The following FUBP3 variants were observed in gnomAD, a reference collection of about 807,000 sequenced individuals.
FUBP3 encodes far upstream element-binding protein 3.
FUBP3 carries 28 observed loss-of-function variants against 85.6 expected under a neutral mutation model. The observed-to-expected ratio is 0.33, with a 90% CI of 0.24 to 0.45. The LOEUF (loss-of-function observed/expected upper bound fraction) is 0.45, where lower values mean the gene tolerates loss of function less well. Ranked by LOEUF, FUBP3 falls within the 20% of genes least tolerant of loss-of-function variation. The pLI is 1.00. For synonymous variants in FUBP3, 271 were observed against 271.4 expected (o/e 1.00, Z 0.01); for missense variants, 583 against 755.1 (o/e 0.77, Z 2.67).
Position 130,579,706 on chromosome 9 carries a change from G to C in FUBP3, c.26G>C (p.Ser9Thr). The C allele has an allele frequency of 7.9e-7, 1 of 1,269,980 alleles. No individual in the cohort carries two copies. Among genetic ancestry groups the C allele is most frequent in the Non-Finnish European group, 1.0e-6 (1 of 1,005,024 alleles). 78.7% of individuals were successfully genotyped at this position (1,269,980 alleles called of 1,614,324 possible). MAELVQGQ[S>T]APVGMKAEGF... ...ATGGCGGAGCTGGTGCAGGGGCAGA[G>C]CGCTCCTGTGGGGATGAAGGCCGAG... The change falls in exon 1 of 19, where the codon AGC becomes ACC. Residue 9 changes from serine to threonine, a missense_variant. By Grantham distance (58) the Ser-to-Thr change is moderately conservative. Transcript: ENST00000319725.
At chr9:130,634,499 C>T in intron 16 of FUBP3, 168 bp from the exon 17 acceptor site, 1 of 601,800 alleles carries the variant, frequency 1.7e-6, no homozygotes, top group Non-Finnish European at 3.0e-6. Context: ...TAGTTACACC[C>T]CTTCCCCCAG....
At chr9:130,621,108 G>GT (rs1462859718) in intron 9 of FUBP3, among the ~76,000 whole-genome samples, 40 of 152,210 alleles carry the variant, frequency 2.6e-4, no homozygotes, top group African/African-American at 9.6e-4. Flanking sequence ...ATTGAATTGT[G>GT]TACTTACAAG....
At chr9:130,626,664 G>A (rs1300461523) in intron 12 of FUBP3, among the ~76,000 whole-genome samples, 159 bp downstream of exon 12, 2 of 152,176 alleles carry the variant, frequency 1.3e-5, no homozygotes, top group Admixed American at 1.3e-4. Context: ...AACCCTGCTT[G>A]GCATGGTTCT....
chr9:130,624,121 C>A (rs1302069082), intron 11 of FUBP3, among the ~76,000 whole-genome samples: 1 of 152,254 alleles, frequency 6.6e-6, no homozygotes, highest in African/African-American at 2.4e-5. Flanking sequence ...TCATGCACAT[C>A]TTTGGACTGT....
intron 2 of FUBP3, among the ~76,000 whole-genome samples, chr9:130,597,656 A>G (rs1588125994): frequency 6.6e-6 from 1 of 152,216 alleles, no homozygotes; most frequent in Non-Finnish European, 1.5e-5. Context: ...GACAACTGAC[A>G]AAAAGGGGCT....
intron 11 of FUBP3, among the ~76,000 whole-genome samples, chr9:130,625,131 C>T (rs1347841041): frequency 1.3e-5 from 2 of 152,240 alleles, no homozygotes; most frequent in East Asian, 1.9e-4. Flanking sequence ...ATTGCTTAAA[C>T]CCAGGAAGCG....
At chr9:130,622,841 TTA>T in intron 10 of FUBP3, 31 bp downstream of exon 10, 1 of 1,062,760 alleles carries the variant, frequency 9.4e-7, no homozygotes, top group Non-Finnish European at 1.4e-6. Flanking sequence ...ATCCTTAGTG[TTA>T]AAAAAAAAAA....
chr9:130,636,027 C>A lies in FUBP3; in HGVS notation c.1611C>A (p.Ala537=), dbSNP rs371039744. The change falls in exon 18 of 19, where the codon GCC becomes GCA. Residue 537 remains alanine, a synonymous_variant. Transcript: ENST00000319725. ...QSHAASAAPQ[A]SSPPDYTMAW... ...ACGCCGCCAGCGCTGCTCCTCAGGC[C>A]AGCTCCCCACCGGACTACACAATGG... 1.3e-6 allele frequency: 2 copies of A among 1,595,924 alleles called. No homozygotes were observed. The highest frequency in any genetic ancestry group is 2.9e-5 in the African/African-American group (2 of 69,096).
chr9:130,636,084 T>C lies in FUBP3; in HGVS notation c.1668T>C (p.Ala556=), dbSNP rs754760630. The change falls in exon 18 of 19, where the codon GCT becomes GCC. Residue 556 remains alanine (A), a synonymous_variant. Transcript: ENST00000319725. ...AWAEYYRQQV[A]FYGQTLGQAQ... ...CAGAATATTACAGACAGCAGGTCGC[T>C]TTCTACGGACAGACGTTAGGGCAGG... The C allele has an allele frequency of 1.5e-5, 25 of 1,613,788 alleles. No homozygotes were observed. The highest frequency in any genetic ancestry group is 2.0e-5 in the Non-Finnish European group (24 of 1,179,980).
chr9:130,615,946 T>C (rs1330849903), intron 6 of FUBP3, among the ~76,000 whole-genome samples: 1 of 152,236 alleles, frequency 6.6e-6, no homozygotes, highest in East Asian at 1.9e-4. Context: ...TGCCTGCATT[T>C]ATTTAACAAA....
intron 1 of FUBP3, among the ~76,000 whole-genome samples, chr9:130,589,699 ATATATAT>A (rs1478175593): frequency 3.5e-5 from 1 of 28,610 alleles, no homozygotes; most frequent in African/African-American, 2.0e-4. Flanking sequence ...ATATATATAT[ATATATAT>A]TTTTTTTTTT....
chr9:130,619,223 T>C (rs1218633631), intron 8 of FUBP3, among the ~76,000 whole-genome samples: 1 of 151,552 alleles, frequency 6.6e-6, no homozygotes, highest in African/African-American at 2.4e-5. Context: ...AATATATCAT[T>C]AATGTCCCAT....
chr9:130,600,292 A>T (rs1831092621), intron 2 of FUBP3, among the ~76,000 whole-genome samples: 1 of 152,174 alleles, frequency 6.6e-6, no homozygotes, highest in Admixed American at 6.5e-5. Flanking sequence ...AGCCTACGTG[A>T]TGTGGCCATA....
chr9:130,635,833 C>T lies in FUBP3; in HGVS notation c.1583-166C>T, dbSNP rs959427886. 4.5e-6 allele frequency: 3 copies of T among 668,778 alleles called. No homozygotes were observed. In the African/African-American group the frequency reaches 5.4e-5, roughly 12 times the overall value. 41.4% of individuals were successfully genotyped at this position (668,778 alleles called of 1,614,324 possible). ...CCGGGCAACAAGAGGCTAACAGCAC[C>T]TTTTGTAGCAAGCGCTCCTGCAACA... On this transcript the variant is annotated intron_variant, in intron 17 of 18. Coordinates refer to ENST00000319725, the MANE Select transcript of FUBP3 (RefSeq NM_003934.2). This position sits in a 1 kb window ranked among gnomAD's most constrained non-coding sequence, Gnocchi z 4.3.
At chr9:130,584,695 C>G (rs1830270611) in intron 1 of FUBP3, among the ~76,000 whole-genome samples, 1 of 149,148 alleles carries the variant, frequency 6.7e-6, no homozygotes, top group Non-Finnish European at 1.5e-5. Context: ...ATGGCAAAAC[C>G]CCGTCTCTAC....
chr9:130,580,023 A>G (rs184152674), intron 1 of FUBP3, among the ~76,000 whole-genome samples: 13 of 152,322 alleles, frequency 8.5e-5, no homozygotes, highest in Non-Finnish European at 1.5e-4. Context: ...GTCTGGCCCC[A>G]TCGTGCCCCA....
chr9:130,618,918 A>T (rs1368829037), intron 8 of FUBP3, among the ~76,000 whole-genome samples: 3 of 152,252 alleles, frequency 2.0e-5, no homozygotes, highest in Admixed American at 2.0e-4. Flanking sequence ...TGGGGACTCC[A>T]GTCAGTGATA....
intron 13 of FUBP3, 40 bp from the exon 14 acceptor site, chr9:130,631,517 C>CA (rs1360999832): frequency 6.4e-7 from 1 of 1,557,866 alleles, no homozygotes. Flanking sequence ...AAGAGGTGTG[C>CA]AACCAACAGC....
chr9:130,614,246 G>A (rs538792338), intron 5 of FUBP3, 42 bp from the exon 6 acceptor site: 96 of 1,316,344 alleles, frequency 7.3e-5, no homozygotes, highest in South Asian at 4.2e-4. Flanking sequence ...GCATGTGCCC[G>A]GTGCCCACCA....
Sources: gnomAD v4.1 joint callset for allele counts (sites outside exome capture counted in the v4.1 genomes callset) on GRCh38, gnomAD v4.1.1 for gene constraint, Gnocchi (gnomAD v3.1) non-coding constraint, MANE v1.5 for transcripts, NCBI Gene and HGNC (gene_info 2026-07-23, HGNC 2026-07-21) for gene names.